NBEAL2: variants seen among roughly 807,000 people sequenced by gnomAD.
The protein encoded by NBEAL2 is neurobeachin-like protein 2.
A neutral mutation model predicts 299.8 loss-of-function variants in NBEAL2; 160 were observed. That is an observed-to-expected ratio of 0.53 (90% CI 0.47 to 0.61). NBEAL2 has a LOEUF of 0.61. Among genes scored for constraint, NBEAL2 ranks in the 20% least tolerant of loss-of-function variants. The pLI is 0.00. For missense variants in NBEAL2, 3,112 were observed against 3,649.0 expected (o/e 0.85, Z 3.79); for synonymous variants, 1,493 against 1,542.3 (o/e 0.97, Z 0.75).
In NBEAL2 at chr3:47,003,773, G is replaced by T; in HGVS notation, c.5721-43G>T. ...ATGCCCTTTGGGCTTGTGAAGAAGG[G>T]GGTCCCAGAGCCTACAGCGTGAGGT... is the stretch of plus-strand genomic sequence containing the variant. On this transcript the variant is annotated intron_variant, in intron 35 of 53. Transcript: ENST00000450053. The surrounding 1 kb of genome is among the most constrained non-coding windows in gnomAD (Gnocchi z 7.0). 1 of 1,533,080 alleles carries T rather than the reference G, an allele frequency of 6.5e-7. No homozygotes were observed. The highest frequency in any genetic ancestry group is 1.4e-5 in the African/African-American group (1 of 73,182). 95.0% of individuals were successfully genotyped at this position (1,533,080 alleles called of 1,614,324 possible).
Position 46,991,588 on chromosome 3 carries a change from C to T in NBEAL2, c.825C>T (p.Ala275=), listed in dbSNP as rs746989255. 4.4e-6 allele frequency: 7 copies of T among 1,601,772 alleles called. 1 individual carries two copies. In the Admixed American group the frequency reaches 1.2e-4, roughly 27 times the overall value. ...CTCCTCGTGGCCCAGAGCTTCGTGCCCTGCTTGAGAGCTACTTCCATGTCC... is the reference window on the plus strand; with the variant it reads ...CTCCTCGTGGCCCAGAGCTTCGTGCTCTGCTTGAGAGCTACTTCCATGTCC... ...RAPPRGPELR[A]LLESYFHVLN... is the part of the protein sequence containing the mutation. The change falls in exon 8 of 54, where the codon GCC becomes GCT. Residue 275 remains alanine, a synonymous_variant. Coordinates refer to ENST00000450053, the MANE Select transcript of NBEAL2 (RefSeq NM_015175.3). The surrounding 1 kb of genome is among the most constrained non-coding windows in gnomAD (Gnocchi z 6.2).
intron 52 of NBEAL2, 129 bp downstream of exon 52, chr3:47,008,797 C>T: frequency 6.8e-7 from 1 of 1,465,492 alleles, no homozygotes; most frequent in Non-Finnish European, 9.2e-7. Flanking sequence ...CCTGTCCCTT[C>T]ATCTTCCCAT....
At position 47,001,495 on chromosome 3, in the gene NBEAL2, C is replaced by G; in HGVS notation, c.4644+57C>G. On this transcript the variant is annotated intron_variant, in intron 29 of 53. Transcript: ENST00000450053. The surrounding 1 kb of genome is among the most constrained non-coding windows in gnomAD (Gnocchi z 6.1). ...GAACACTCATGTTCATGCAAGCCTG[C>G]AGGGATCTGGTCTGGGAGGTGGATG... The G allele has an allele frequency of 6.3e-7, 1 of 1,583,070 alleles. No homozygotes were observed. Among genetic ancestry groups the G allele is most frequent in the Non-Finnish European group, 8.6e-7 (1 of 1,165,930 alleles).
chr3:47,005,162 C>A lies in NBEAL2; in HGVS notation c.6420-19C>A, dbSNP rs148494674. 1 of 1,613,832 alleles carries A rather than the reference C, an allele frequency of 6.2e-7. No individual in the cohort carries two copies. Among genetic ancestry groups the A allele is most frequent in the South Asian group, 1.1e-5 (1 of 91,084 alleles). ...GGCGAGGGGAGGGCTTCTGCTGACA[C>A]GTCCAACTGTGGCCCCAGGTATGAA... is the stretch of plus-strand genomic sequence containing the variant. On this transcript the variant is annotated intron_variant, in intron 39 of 53. Transcript: ENST00000450053.
chr3:46,997,730 T>A lies in NBEAL2; in HGVS notation c.2958+36T>A. ...GTGGGACAGGCATGGGGGTTAGGGGTATGGTCAGCCTGTCTGACCGAGGGG... is the reference window on the plus strand; with the variant it reads ...GTGGGACAGGCATGGGGGTTAGGGGAATGGTCAGCCTGTCTGACCGAGGGG... On this transcript the variant is annotated intron_variant, in intron 20 of 53. Coordinates refer to ENST00000450053, the MANE Select transcript of NBEAL2 (RefSeq NM_015175.3). The A allele has an allele frequency of 2.1e-6, 3 of 1,453,728 alleles. 1 individual carries two copies. The Middle Eastern group carries it at 7.4e-4, about 357-fold the overall frequency. 90.1% of individuals were successfully genotyped at this position (1,453,728 alleles called of 1,614,324 possible). A position where few individuals can be genotyped will look rare whatever the true frequency, so the allele number is the denominator to read the frequency against.
intron 1 of NBEAL2, among the ~76,000 whole-genome samples, chr3:46,985,316 C>T (rs962380403): frequency 1.3e-5 from 2 of 152,154 alleles, no homozygotes; most frequent in African/African-American, 4.8e-5. Flanking sequence ...TACTCGAGGC[C>T]CATTGTGCAA....
In NBEAL2 at chr3:46,980,769, C is replaced by T. The variant is rs189600592; in HGVS notation, c.51+857C>T. Reference sequence around the variant, plus strand: ...TCACACCGTCTCACACACATAGTCCCCCATTTTCCTTCTGTACCCACAGCA... The same window carrying T: ...TCACACCGTCTCACACACATAGTCCTCCATTTTCCTTCTGTACCCACAGCA... On this transcript the variant is annotated intron_variant, in intron 1 of 53. Transcript: ENST00000450053. 6.0e-3 allele frequency among the ~76,000 whole-genome samples: 910 copies of T among 152,262 alleles called. 7 individuals are homozygous for T. Among genetic ancestry groups the T allele is most frequent in the Middle Eastern group, 0.037 (11 of 294 alleles).
At chr3:46,996,083 G>A in intron 15 of NBEAL2, 32 bp downstream of exon 15, 1 of 1,575,198 alleles carries the variant, frequency 6.3e-7, no homozygotes, top group African/African-American at 1.4e-5. Context: ...GAGGCCTTGG[G>A]TAGATGGGAG....
intron 9 of NBEAL2, 83 bp downstream of exon 9, chr3:46,992,029 C>A: frequency 1.4e-5 from 17 of 1,204,886 alleles, no homozygotes; most frequent in Non-Finnish European, 2.0e-5. Flanking sequence ...TGCTGCTGAG[C>A]AAACATGGGC....
In NBEAL2 at chr3:46,995,705, T is replaced by C; in HGVS notation, c.1899-9T>C. ...AACAAGCAGACATAACTGGCTTGCC[T>C]GCCCCCAGCTTCTTTACCAGCAGCG... On this transcript the variant is annotated splice_polypyrimidine_tract_variant and intron_variant, in intron 13 of 53. Coordinates refer to ENST00000450053, the MANE Select transcript of NBEAL2 (RefSeq NM_015175.3). The C allele has an allele frequency of 6.2e-7, 1 of 1,612,986 alleles. No individual in the cohort carries two copies. Among genetic ancestry groups the C allele is most frequent in the Non-Finnish European group, 8.5e-7 (1 of 1,179,450 alleles).
intron 1 of NBEAL2, among the ~76,000 whole-genome samples, chr3:46,987,540 TGAGCGAA>T (rs2035750196): frequency 6.6e-6 from 1 of 152,230 alleles, no homozygotes; most frequent in Non-Finnish European, 1.5e-5. Context: ...GCTGTGTTCC[TGAGCGAA>T]GAGAACTGCA....
chr3:47,002,566 C>A, intron 32 of NBEAL2, 46 bp downstream of exon 32: 1 of 1,610,020 alleles, frequency 6.2e-7, no homozygotes, highest in Middle Eastern at 1.7e-4. Flanking sequence ...CACACATGCA[C>A]CCAGGAGATG....
chr3:47,001,634 A>G lies in NBEAL2; in HGVS notation c.4645-55A>G. The G allele has an allele frequency of 6.3e-7, 1 of 1,597,502 alleles. No individual in the cohort carries two copies. Among genetic ancestry groups the G allele is most frequent in the Non-Finnish European group, 8.6e-7 (1 of 1,168,422 alleles). Reference sequence around the variant, plus strand: ...GCAAACTTTACTTTGCTCCCTTTCCATGGACTCCTGGCCTCCCCTGGTGAT... The same window carrying G: ...GCAAACTTTACTTTGCTCCCTTTCCGTGGACTCCTGGCCTCCCCTGGTGAT... On this transcript the variant is annotated intron_variant, in intron 29 of 53. Coordinates refer to ENST00000450053, the MANE Select transcript of NBEAL2 (RefSeq NM_015175.3). The surrounding 1 kb of genome is among the most constrained non-coding windows in gnomAD (Gnocchi z 6.1).
intron 1 of NBEAL2, among the ~76,000 whole-genome samples, chr3:46,981,675 A>G (rs1040654681): frequency 7.2e-5 from 11 of 152,072 alleles, no homozygotes; most frequent in Non-Finnish European, 1.2e-4. Flanking sequence ...CCCCATAGCT[A>G]TGGGCAGGCT....
Position 47,000,499 on chromosome 3 carries a change from C to A in NBEAL2, c.4305+95C>A. 6.8e-7 allele frequency: 1 copy of A among 1,467,142 alleles called. No homozygotes were observed. The highest frequency in any genetic ancestry group is 9.1e-7 in the Non-Finnish European group (1 of 1,093,022). The allele number at this position is 1,467,142 out of a possible 1,614,324, so 90.9% of individuals were successfully genotyped here. A position where few individuals can be genotyped will look rare whatever the true frequency, so the allele number is the denominator to read the frequency against. ...AGTGTAGCCTCTCCAAAGGTGTGGC[C>A]CTGTCTGACCAGGGTTGCAGCCACT... On this transcript the variant is annotated intron_variant, in intron 27 of 53. Transcript: ENST00000450053. The surrounding 1 kb of genome is among the most constrained non-coding windows in gnomAD (Gnocchi z 4.5).
chr3:46,992,469 C>T lies in NBEAL2; in HGVS notation c.1033-6C>T, dbSNP rs541808654. On this transcript the variant is annotated splice_region_variant and splice_polypyrimidine_tract_variant and intron_variant, in intron 9 of 53. Transcript: ENST00000450053. ...CTCCACCCTGTGCCTCCCCACTTCC[C>T]CACAGCTGTACCTGCAGTCCCGGGC... 8 of 1,604,274 alleles carry T rather than the reference C, an allele frequency of 5.0e-6. No individual in the cohort carries two copies. Among genetic ancestry groups the T allele is most frequent in the South Asian group, 4.5e-5 (4 of 89,038 alleles).
At position 47,009,339 on chromosome 3, in the gene NBEAL2, C is replaced by G; in HGVS notation, c.*19C>G. On this transcript the variant is annotated 3_prime_UTR_variant, in exon 54 of 54. Coordinates refer to ENST00000450053, the MANE Select transcript of NBEAL2 (RefSeq NM_015175.3). ...GCGCTGAACCTGGCCAGTCCGGCTG[C>G]TCGGGCCCCGCCCCCGGCAGGCCTG... is the stretch of plus-strand genomic sequence containing the variant. 6.4e-7 allele frequency: 1 copy of G among 1,567,154 alleles called. No homozygotes were observed. Among genetic ancestry groups the G allele is most frequent in the Non-Finnish European group, 8.6e-7 (1 of 1,156,116 alleles).
chr3:46,990,454 T>G (rs2036002551), intron 6 of NBEAL2, among the ~76,000 whole-genome samples: 1 of 152,182 alleles, frequency 6.6e-6, no homozygotes, highest in Non-Finnish European at 1.5e-5. Flanking sequence ...TGTCCTCTCA[T>G]TCCCAGACTG....
rs1402228141 is a variant in NBEAL2 at position 47,003,427 on chromosome 3, TC to T, written c.5720+123del. The T allele has an allele frequency of 2.1e-6, 3 of 1,410,656 alleles. No individual in the cohort carries two copies. Among genetic ancestry groups the T allele is most frequent in the Non-Finnish European group, 1.9e-6 (2 of 1,049,610 alleles). 87.4% of individuals were successfully genotyped at this position (1,410,656 alleles called of 1,614,324 possible). On this transcript the variant is annotated intron_variant, in intron 35 of 53. Transcript: ENST00000450053. This position sits in a 1 kb window ranked among gnomAD's most constrained non-coding sequence, Gnocchi z 7.0. The stretch of plus-strand genomic sequence containing the variant: ...TGTCCTCTTCTGCTGCCCGACTACG[TC>T]CCCCTGAAGGGACTGTCCAAAGCCA...
Sources: gnomAD v4.1 joint callset for allele counts (sites outside exome capture counted in the v4.1 genomes callset) on GRCh38, gnomAD v4.1.1 for gene constraint, Gnocchi (gnomAD v3.1) non-coding constraint, MANE v1.5 for transcripts, NCBI Gene and HGNC (gene_info 2026-07-23, HGNC 2026-07-21) for gene names.